VCPIP1: variants seen among roughly 807,000 people sequenced by gnomAD.
VCPIP1 encodes deubiquitinating protein VCPIP1.
VCPIP1 carries 8 observed loss-of-function variants against 85.0 expected under a neutral mutation model. The ratio of observed to expected loss-of-function variants is 0.09; its 90% CI spans 0.06 to 0.17. The LOEUF (loss-of-function observed/expected upper bound fraction) is 0.17, where lower values mean the gene tolerates loss of function less well. Ranked by LOEUF, VCPIP1 falls within the 10% of genes least tolerant of loss-of-function variation. The probability of loss-of-function intolerance (pLI) is 1.00; values close to 1 mark genes in which losing one functional copy is unlikely to be tolerated. For synonymous variants in VCPIP1, 543 were observed against 544.5 expected (o/e 1.00, Z 0.04); for missense variants, 1,070 against 1,486.3 (o/e 0.72, Z 4.61).
At chr8:66,661,069 A>G in intron 1 of VCPIP1, among the ~76,000 whole-genome samples, 1 of 152,184 alleles carries the variant, frequency 6.6e-6, no homozygotes, top group Non-Finnish European at 1.5e-5. Context: ...CATAATTCAA[A>G]TACAGTCATA....
intron 1 of VCPIP1, among the ~76,000 whole-genome samples, chr8:66,658,716 T>A (rs1811124978): frequency 1.3e-5 from 2 of 152,112 alleles, no homozygotes; most frequent in African/African-American, 2.4e-5. Context: ...CTCAAACTCC[T>A]GACCTCATGA....
chr8:66,648,641 A>C (rs1279505171), intron 2 of VCPIP1, among the ~76,000 whole-genome samples: 1 of 151,280 alleles, frequency 6.6e-6, no homozygotes, highest in Non-Finnish European at 1.5e-5. Flanking sequence ...TACTACCTCC[A>C]CCTCCTGGGT....
At chr8:66,655,136 A>G (rs764777184) in intron 1 of VCPIP1, among the ~76,000 whole-genome samples, 7 of 152,154 alleles carry the variant, frequency 4.6e-5, no homozygotes, top group African/African-American at 1.2e-4. Flanking sequence ...ATCACACTTC[A>G]GGTTAATTAA....
chr8:66,664,715 G>A lies in VCPIP1; in HGVS notation c.2244C>T (p.Pro748=), dbSNP rs764280625. The change falls in exon 1 of 3, where the codon CCC becomes CCT. Residue 748 remains proline (P), a synonymous_variant. Transcript: ENST00000310421. ...AGGATGGACCATCACGAATGGTACT[G>A]GGAGAAACAGTCCTGGGTTGCCCTT... The part of the protein sequence containing the change: ...EQKGQPRTVS[P]STIRDGPSSA... 2 of 1,613,806 alleles carry A rather than the reference G, an allele frequency of 1.2e-6. No individual in the cohort carries two copies. Among genetic ancestry groups the A allele is most frequent in the South Asian group, 1.1e-5 (1 of 91,054 alleles).
intron 1 of VCPIP1, among the ~76,000 whole-genome samples, chr8:66,661,315 A>G (rs908780761): frequency 2.0e-5 from 3 of 152,190 alleles, no homozygotes; most frequent in Admixed American, 2.0e-4. Flanking sequence ...GAATAGAAAG[A>G]CATTATCTTG....
At chr8:66,664,130 G>T in intron 1 of VCPIP1, 119 bp downstream of exon 1, 1 of 1,264,164 alleles carries the variant, frequency 7.9e-7, no homozygotes, top group Non-Finnish European at 1.0e-6. Context: ...ATTCTCTCCT[G>T]AAATATATAA....
intron 2 of VCPIP1, among the ~76,000 whole-genome samples, chr8:66,638,156 T>G (rs977725196): frequency 2.0e-5 from 3 of 152,060 alleles, no homozygotes; most frequent in Non-Finnish European, 4.4e-5. Flanking sequence ...TAACCTACAG[T>G]TGAACTCATC....
intron 1 of VCPIP1, among the ~76,000 whole-genome samples, chr8:66,663,847 A>G (rs1811180143): frequency 6.6e-6 from 1 of 152,190 alleles, no homozygotes; most frequent in Non-Finnish European, 1.5e-5. Flanking sequence ...CAATTCATCA[A>G]ACAGGAAGTG....
intron 2 of VCPIP1, among the ~76,000 whole-genome samples, chr8:66,638,703 C>G (rs1454164422): frequency 1.3e-5 from 2 of 151,394 alleles, no homozygotes; most frequent in Non-Finnish European, 2.9e-5. Context: ...GGTGTGAACC[C>G]AGGAGGCAGA....
intron 2 of VCPIP1, among the ~76,000 whole-genome samples, chr8:66,638,515 C>T (rs965888628): frequency 1.1e-4 from 17 of 148,966 alleles, no homozygotes; most frequent in African/African-American, 4.2e-4. Context: ...CGCGGTGGCT[C>T]ACGCCTGTAA....
intron 1 of VCPIP1, among the ~76,000 whole-genome samples, chr8:66,661,907 G>T (rs1173720359): frequency 6.6e-6 from 1 of 150,630 alleles, no homozygotes; most frequent in East Asian, 2.0e-4. Flanking sequence ...GGGACTACAG[G>T]CTCCTGCCAC....
At chr8:66,637,229 T>C (rs187829170) in intron 2 of VCPIP1, among the ~76,000 whole-genome samples, 37 of 151,676 alleles carry the variant, frequency 2.4e-4, no homozygotes, top group South Asian at 6.3e-4. Context: ...CATACACCTA[T>C]AGTCTCAGCT....
At chr8:66,644,623 C>T (rs1810976728) in intron 2 of VCPIP1, among the ~76,000 whole-genome samples, 1 of 152,128 alleles carries the variant, frequency 6.6e-6, no homozygotes, top group Non-Finnish European at 1.5e-5. Flanking sequence ...AATGTCTACT[C>T]TCACCTTTCC....
chr8:66,657,654 C>A (rs1285527456), intron 1 of VCPIP1, among the ~76,000 whole-genome samples: 1 of 152,142 alleles, frequency 6.6e-6, no homozygotes, highest in Non-Finnish European at 1.5e-5. Context: ...TAAATGTGTA[C>A]AGAGTCTGAA....
Position 66,651,458 on chromosome 8 carries a change from C to T in VCPIP1, c.2797G>A (p.Gly933Ser). The T allele has an allele frequency of 3.1e-6, 5 of 1,601,458 alleles. No homozygotes were observed. Among genetic ancestry groups the T allele is most frequent in the Non-Finnish European group, 4.3e-6 (5 of 1,174,122 alleles). ...AAGAATAAAATCAAATTAACTATACCCATGGTTTTCTTCATAATACTGTAG... is the reference window on the plus strand; with the variant it reads ...AAGAATAAAATCAAATTAACTATACTCATGGTTTTCTTCATAATACTGTAG... ...VFYSIMKKTM[G>S]MADGKHCTFP... Residue 933 changes from glycine to serine, a missense_variant and splice_region_variant, in exon 2 of 3, where the codon GGT becomes AGT. Coordinates refer to ENST00000310421, the MANE Select transcript of VCPIP1 (RefSeq NM_025054.5).
At chr8:66,649,092 G>A (rs1811027117) in intron 2 of VCPIP1, among the ~76,000 whole-genome samples, 1 of 151,994 alleles carries the variant, frequency 6.6e-6, no homozygotes, top group Non-Finnish European at 1.5e-5. Flanking sequence ...GAGCCCAGAG[G>A]ATTGACGCTA....
chr8:66,644,370 C>T (rs1325580549), intron 2 of VCPIP1, among the ~76,000 whole-genome samples: 1 of 152,082 alleles, frequency 6.6e-6, no homozygotes, highest in Non-Finnish European at 1.5e-5. Flanking sequence ...AAGTAAAGTT[C>T]GTTCAACATT....
intron 2 of VCPIP1, among the ~76,000 whole-genome samples, chr8:66,639,679 T>C (rs1339102791): frequency 6.6e-6 from 1 of 152,142 alleles, no homozygotes; most frequent in Non-Finnish European, 1.5e-5. Context: ...GAAATAGTAA[T>C]AGTATAGTTT....
chr8:66,654,697 C>A (rs1289119946), intron 1 of VCPIP1, among the ~76,000 whole-genome samples: 1 of 152,194 alleles, frequency 6.6e-6, no homozygotes, highest in Non-Finnish European at 1.5e-5. Flanking sequence ...CTGCACCACT[C>A]TCCTATGGCT....
Sources: allele counts gnomAD v4.1 joint callset (sites outside exome capture counted in the v4.1 genomes callset), GRCh38; gene constraint gnomAD v4.1.1; transcripts MANE v1.5; gene names NCBI Gene and HGNC (gene_info 2026-07-23, HGNC 2026-07-21).